NCOA2: variants seen among roughly 807,000 people sequenced by gnomAD.
NCOA2 encodes nuclear receptor coactivator 2.
Under a neutral mutation model 145.1 loss-of-function variants are expected in NCOA2, and 21 were observed. That is an observed-to-expected ratio of 0.14 (90% confidence interval 0.10 to 0.21). The LOEUF (loss-of-function observed/expected upper bound fraction) is 0.21. Ranked by LOEUF, NCOA2 falls within the 10% of genes least tolerant of loss-of-function variation. The pLI, the probability that NCOA2 is intolerant of heterozygous loss-of-function variation, is 1.00. For missense variants in NCOA2, 1,472 were observed against 1,837.6 expected (o/e 0.80, Z 3.64); for synonymous variants, 619 against 637.5 (o/e 0.97, Z 0.44).
intron 2 of NCOA2, among the ~76,000 whole-genome samples, chr8:70,267,057 C>A (rs1269817534): frequency 1.3e-5 from 2 of 152,184 alleles, no homozygotes; most frequent in Non-Finnish European, 2.9e-5. Context: ...TGAACAATTA[C>A]AGCATTTTCT....
At chr8:70,441,576 GAAAGA>G in the NCOA2 span, among the ~76,000 whole-genome samples, 16 of 144,734 alleles carry the variant, frequency 1.1e-4, no homozygotes, top group South Asian at 3.2e-3. Flanking sequence ...GAAAGAAAGA[GAAAGA>G]AAAGAAAGAA....
intron 22 of NCOA2, among the ~76,000 whole-genome samples, chr8:70,114,821 T>C (rs1806903552): frequency 6.6e-6 from 1 of 152,192 alleles, no homozygotes; most frequent in Non-Finnish European, 1.5e-5. Flanking sequence ...AAATAATCTA[T>C]TTTACCTTAG....
chr8:70,413,052 G>A, the NCOA2 span, among the ~76,000 whole-genome samples: 2 of 150,090 alleles, frequency 1.3e-5, no homozygotes, highest in Non-Finnish European at 3.0e-5. Flanking sequence ...GAGCTGTGAT[G>A]GTGCCACTGT....
intron 5 of NCOA2, among the ~76,000 whole-genome samples, chr8:70,171,240 T>C (rs544944081): frequency 6.6e-6 from 1 of 152,332 alleles, no homozygotes; most frequent in South Asian, 2.1e-4. Context: ...GTGGAGCATG[T>C]TCACTGTGCC....
rs866046654 is a variant in NCOA2, at chr8:70,137,506, T to G, written c.3158+697A>C. 4.6e-5 allele frequency among the ~76,000 whole-genome samples: 7 copies of G among 152,258 alleles called. No individual in the cohort carries two copies. In the South Asian group the frequency reaches 1.0e-3, roughly 22 times the overall value. ...ATTTGTCCTGTGTTATATTCAAGTT[T>G]CCATGGAAATGGGTGGGTTTCTAAC... is the stretch of plus-strand genomic sequence containing the variant. On this transcript the variant is annotated intron_variant, in intron 15 of 22. Coordinates refer to ENST00000452400, the MANE Select transcript of NCOA2 (RefSeq NM_006540.4).
intron 1 of NCOA2, among the ~76,000 whole-genome samples, chr8:70,307,600 T>C (rs2135950300): frequency 6.6e-6 from 1 of 152,370 alleles, no homozygotes; most frequent in Middle Eastern, 3.4e-3. Flanking sequence ...AGGACTTCCA[T>C]TTGTGCTTAC....
At chr8:70,123,410 C>G (rs963645047) in intron 21 of NCOA2, among the ~76,000 whole-genome samples, 6 of 152,110 alleles carry the variant, frequency 3.9e-5, no homozygotes, top group Non-Finnish European at 8.8e-5. Context: ...CCCAGCTACC[C>G]AGGAGGCTGA....
At chr8:70,150,488 CA>C (rs1811615057) in intron 11 of NCOA2, among the ~76,000 whole-genome samples, 1 of 152,166 alleles carries the variant, frequency 6.6e-6, no homozygotes, top group Admixed American at 6.5e-5. Flanking sequence ...ATTAGAGCCA[CA>C]AGGGAACCAA....
intron 6 of NCOA2, among the ~76,000 whole-genome samples, chr8:70,167,563 T>TA (rs1813759131): frequency 6.6e-6 from 1 of 152,222 alleles, no homozygotes; most frequent in Non-Finnish European, 1.5e-5. Flanking sequence ...CTTTAGTATA[T>TA]AGTTTATAAC....
At chr8:70,455,159 T>A in the NCOA2 span, among the ~76,000 whole-genome samples, 6 of 152,206 alleles carry the variant, frequency 3.9e-5, no homozygotes. Flanking sequence ...AATACTTTTT[T>A]AAAAAACCAG....
chr8:70,338,037 C>A (rs1470483448), intron 1 of NCOA2, among the ~76,000 whole-genome samples: 4 of 151,758 alleles, frequency 2.6e-5, no homozygotes, highest in African/African-American at 4.8e-5. Flanking sequence ...AACTAGAGAA[C>A]CATGAGCAAA....
chr8:70,111,569 G>T lies in NCOA2; in HGVS notation c.*2063C>A. On this transcript the variant is annotated 3_prime_UTR_variant, in exon 23 of 23. Coordinates refer to ENST00000452400, the MANE Select transcript of NCOA2 (RefSeq NM_006540.4). ...GAACTGGTGGCCACTGAGAAGTGTT[G>T]TTCCTTGGCCACCTCCCTGTATTGA... is the stretch of plus-strand genomic sequence containing the variant. 4.6e-6 allele frequency: 1 copy of T among 216,732 alleles called. No individual in the cohort carries two copies. Among genetic ancestry groups the T allele is most frequent in the Non-Finnish European group, 9.3e-6 (1 of 107,696 alleles). 13.4% of individuals were successfully genotyped at this position (216,732 alleles called of 1,614,324 possible). A position where few individuals can be genotyped will look rare whatever the true frequency, so the allele number is the denominator to read the frequency against.
the NCOA2 span, among the ~76,000 whole-genome samples, chr8:70,428,085 A>T: frequency 6.6e-6 from 1 of 152,158 alleles, no homozygotes; most frequent in Admixed American, 6.5e-5. Flanking sequence ...AGGAAAAAAA[A>T]TTGAGAAAAT....
chr8:70,167,036 A>T (rs1813690796), intron 6 of NCOA2, among the ~76,000 whole-genome samples: 1 of 152,040 alleles, frequency 6.6e-6, no homozygotes, highest in Non-Finnish European at 1.5e-5. Context: ...CATTTTCTAC[A>T]CTACTTCTTT....
At chr8:70,169,890 A>AATCATC (rs56144437) in intron 6 of NCOA2, among the ~76,000 whole-genome samples, 96,292 of 149,996 alleles carry the variant, frequency 0.64, 31,857 homozygotes, top group Non-Finnish European at 0.72. Flanking sequence ...TGCCAAGCAA[A>AATCATC]ATCATCATCA....
chr8:70,249,977 A>AAAAAAAAAAAAAAAGAAG (rs751876043), intron 2 of NCOA2, among the ~76,000 whole-genome samples: 1 of 137,918 alleles, frequency 7.3e-6, no homozygotes, highest in African/African-American at 2.8e-5. Flanking sequence ...AAAAAAAAAA[A>AAAAAAAAAAAAAAAGAAG]AAGAAGAAGA....
chr8:70,354,406 T>C (rs1809501190), intron 1 of NCOA2, among the ~76,000 whole-genome samples: 1 of 152,202 alleles, frequency 6.6e-6, no homozygotes, highest in Non-Finnish European at 1.5e-5. Context: ...CCTTCTCACA[T>C]GATTCCCCCG....
chr8:70,425,529 C>T, the NCOA2 span, among the ~76,000 whole-genome samples: 3 of 152,128 alleles, frequency 2.0e-5, no homozygotes, highest in African/African-American at 7.2e-5. Flanking sequence ...ACTTTCACTC[C>T]ATTCCTTTTA....
chr8:70,430,575 C>A, the NCOA2 span, among the ~76,000 whole-genome samples: 1 of 152,200 alleles, frequency 6.6e-6, no homozygotes, highest in Non-Finnish European at 1.5e-5. Context: ...CTGCCCTCTA[C>A]CCCCTTTCTT....
Sources: allele counts gnomAD v4.1 joint callset (sites outside exome capture counted in the v4.1 genomes callset), GRCh38; gene constraint gnomAD v4.1.1; transcripts MANE v1.5; gene names NCBI Gene and HGNC (gene_info 2026-07-23, HGNC 2026-07-21).